TAF10: variants seen among roughly 807,000 people sequenced by gnomAD.
TAF10 encodes TATA-box binding protein associated factor 10, also known as transcription initiation factor TFIID subunit 10.
Under a neutral mutation model 18.1 loss-of-function variants are expected in TAF10, and 2 were observed. The observed-to-expected ratio is 0.11, with a 90% CI of 0.05 to 0.35. The LOEUF (loss-of-function observed/expected upper bound fraction) is 0.35. Ranked by LOEUF, TAF10 falls within the 10% of genes least tolerant of loss-of-function variation. The pLI, the probability that TAF10 is intolerant of heterozygous loss-of-function variation, is 1.00. For synonymous variants in TAF10, 158 were observed against 134.6 expected (o/e 1.17, Z -1.20); for missense variants, 293 against 306.9 (o/e 0.95, Z 0.34).
rs761663463 is a variant in TAF10 at position 6,611,253 on chromosome 11, T to A, written c.503A>T (p.Asn168Ile). The change falls in exon 4 of 5, where the codon AAT becomes ATT. Residue 168 changes from asparagine (N) to isoleucine (I), a missense_variant. Transcript: ENST00000299424. Reference sequence around the variant, plus strand: ...CATTTTGCAGTGCTGTAGGGCATCATTGGCAATATCTGAGATGAATTTCTG... The same window carrying A: ...CATTTTGCAGTGCTGTAGGGCATCAATGGCAATATCTGAGATGAATTTCTG... ...AAQKFISDIA[N>I]DALQHCKMKG... is the part of the protein sequence containing the mutation. 6.2e-7 allele frequency: 1 copy of A among 1,614,108 alleles called. No individual in the cohort carries two copies. Among genetic ancestry groups the A allele is most frequent in the Non-Finnish European group, 8.5e-7 (1 of 1,180,028 alleles).
At position 6,608,447 on chromosome 11, in the gene TAF10, C is replaced by G; in HGVS notation, c.*2475G>C. 6.2e-7 allele frequency: 1 copy of G among 1,614,154 alleles called. No individual in the cohort carries two copies. Among genetic ancestry groups the G allele is most frequent in the South Asian group, 1.1e-5 (1 of 91,086 alleles). Reference sequence around the variant, plus strand: ...CAGTGAATGAACACGGGAATGTGCCCCTGCACTATGCCTGTTTTTGGGGCC... The same window carrying G: ...CAGTGAATGAACACGGGAATGTGCCGCTGCACTATGCCTGTTTTTGGGGCC... On this transcript the variant is annotated 3_prime_UTR_variant, in exon 5 of 5. Coordinates refer to ENST00000299424, the MANE Select transcript of TAF10 (RefSeq NM_006284.4). This position sits in a 1 kb window ranked among gnomAD's most constrained non-coding sequence, Gnocchi z 4.9.
chr11:6,611,017 G>A lies in TAF10; in HGVS notation c.568-6C>T. The A allele has an allele frequency of 6.2e-7, 1 of 1,613,772 alleles. No individual in the cohort carries two copies. The highest frequency in any genetic ancestry group is 1.3e-5 in the African/African-American group (1 of 75,004). ...GTTAGAGTGTACTTGCGGTCCTGAG[G>A]GAAGAGGGAAGAGCACCAACTGAGC... On this transcript the variant is annotated splice_polypyrimidine_tract_variant and splice_region_variant and intron_variant, in intron 4 of 4. Transcript: ENST00000299424.
chr11:6,608,042 A>T lies in TAF10; in HGVS notation c.*2880T>A. On this transcript the variant is annotated 3_prime_UTR_variant, in exon 5 of 5. Coordinates refer to ENST00000299424, the MANE Select transcript of TAF10 (RefSeq NM_006284.4). This position sits in a 1 kb window ranked among gnomAD's most constrained non-coding sequence, Gnocchi z 4.9. The stretch of plus-strand genomic sequence containing the variant: ...GCTCAATGACCATTGCCCCTTCCTC[A>T]AAGGGACGATCATGGCTTCTCCCCC... 1 of 1,613,878 alleles carries T rather than the reference A, an allele frequency of 6.2e-7. No homozygotes were observed. Among genetic ancestry groups the T allele is most frequent in the Non-Finnish European group, 8.5e-7 (1 of 1,179,984 alleles).
Position 6,610,836 on chromosome 11 carries a change from A to G in TAF10, c.*86T>C, listed in dbSNP as rs1564851396. ...GGTGTCTCCCAACATGGGAGGGATC[A>G]GCCCCGCCTGTCACAATAAAGTTTA... On this transcript the variant is annotated 3_prime_UTR_variant, in exon 5 of 5. Transcript: ENST00000299424. The G allele has an allele frequency of 1.3e-6, 2 of 1,512,542 alleles. No homozygotes were observed. Among genetic ancestry groups the G allele is most frequent in the East Asian group, 2.3e-5 (1 of 44,358 alleles). The allele number at this position is 1,512,542 out of a possible 1,614,324, so 93.7% of individuals were successfully genotyped here. A position where few individuals can be genotyped will look rare whatever the true frequency, so the allele number is the denominator to read the frequency against.
chr11:6,609,287 C>T lies in TAF10; in HGVS notation c.*1635G>A. 1.2e-6 allele frequency: 2 copies of T among 1,613,022 alleles called. No individual in the cohort carries two copies. The highest frequency in any genetic ancestry group is 1.3e-5 in the African/African-American group (1 of 75,038). On this transcript the variant is annotated 3_prime_UTR_variant, in exon 5 of 5. Coordinates refer to ENST00000299424, the MANE Select transcript of TAF10 (RefSeq NM_006284.4). ...AACATTTCAAGCCTCCTAACCCCTACCTGTCCTGCAGCTATGGAAGGGCCG... is the reference window on the plus strand; with the variant it reads ...AACATTTCAAGCCTCCTAACCCCTATCTGTCCTGCAGCTATGGAAGGGCCG...
Position 6,608,334 on chromosome 11 carries a change from A to G in TAF10, c.*2588T>C. 1 of 1,575,336 alleles carries G rather than the reference A, an allele frequency of 6.3e-7. No individual in the cohort carries two copies. Among genetic ancestry groups the G allele is most frequent in the Non-Finnish European group, 8.7e-7 (1 of 1,144,786 alleles). ...CCTTTTCCCATGCCCTGACACCAGT[A>G]TCTCATTTGGAACTGACTGTACTTT... On this transcript the variant is annotated 3_prime_UTR_variant, in exon 5 of 5. Coordinates refer to ENST00000299424, the MANE Select transcript of TAF10 (RefSeq NM_006284.4). The surrounding 1 kb of genome is among the most constrained non-coding windows in gnomAD (Gnocchi z 4.9).
rs141701406 is a variant in TAF10 at position 6,608,123 on chromosome 11, G to T, written c.*2799C>A. 4 of 1,614,066 alleles carry T rather than the reference G, an allele frequency of 2.5e-6. No individual in the cohort carries two copies. The highest frequency in any genetic ancestry group is 3.4e-6 in the Non-Finnish European group (4 of 1,179,952). ...GCTGTGGTTGAGATGTTGATCATGC[G>T]GGGGGCACGGATCAATGTAATGAAC... On this transcript the variant is annotated 3_prime_UTR_variant, in exon 5 of 5. Transcript: ENST00000299424. This position sits in a 1 kb window ranked among gnomAD's most constrained non-coding sequence, Gnocchi z 4.9.
At chr11:6,611,598 G>GAA in intron 2 of TAF10, 66 bp downstream of exon 2, 1 of 1,584,806 alleles carries the variant, frequency 6.3e-7, no homozygotes, top group East Asian at 2.3e-5. Context: ...AGAGAACGCT[G>GAA]AAAAGCACGA....
In TAF10 at chr11:6,611,518, A is replaced by C. The variant is rs371916710; in HGVS notation, c.388-66T>G. The C allele has an allele frequency of 4.5e-5, 72 of 1,604,360 alleles. No homozygotes were observed. In the African/African-American group the frequency reaches 8.3e-4, roughly 18 times the overall value. On this transcript the variant is annotated intron_variant, in intron 2 of 4. Coordinates refer to ENST00000299424, the MANE Select transcript of TAF10 (RefSeq NM_006284.4). ...AGGGTGAGGGAAATGGATAGGCCTG[A>C]TTATCAGGAAGCTCACAGTTTGGGT...
rs1564843148 is a variant in TAF10, at chr11:6,606,442, G to A, written c.*4480C>T. On this transcript the variant is annotated 3_prime_UTR_variant, in exon 5 of 5. Transcript: ENST00000299424. ...TCTTTAATACTTTGCAAAGTCATTT[G>A]TTCCATTTTTCATATAATTCTCAAA... 6.6e-6 allele frequency: 1 copy of A among 152,150 alleles called. No individual in the cohort carries two copies. Among genetic ancestry groups the A allele is most frequent in the African/African-American group, 2.4e-5 (1 of 41,416 alleles). 9.4% of individuals were successfully genotyped at this position (152,150 alleles called of 1,614,324 possible).
In TAF10 at chr11:6,610,136, CTA is replaced by C; in HGVS notation, c.*784_*785del. 6.2e-7 allele frequency: 1 copy of C among 1,614,204 alleles called. No individual in the cohort carries two copies. The highest frequency in any genetic ancestry group is 1.1e-5 in the South Asian group (1 of 91,080). ...GCAAGGGGGCCAGAACAGACAAGCCCTATCTCTCCAGCTCTGCAGAAGAAGCC... is the reference window on the plus strand; with the variant it reads ...GCAAGGGGGCCAGAACAGACAAGCCCTCTCTCCAGCTCTGCAGAAGAAGCC... On this transcript the variant is annotated 3_prime_UTR_variant, in exon 5 of 5. Transcript: ENST00000299424.
rs1855377105 is a variant in TAF10, at chr11:6,610,352, G to A, written c.*570C>T. ...GTGAAAATAACTGTAGTGGGCCTTGGCTCCTCACATATTTGTTCGGATATA... is the reference window on the plus strand; with the variant it reads ...GTGAAAATAACTGTAGTGGGCCTTGACTCCTCACATATTTGTTCGGATATA... On this transcript the variant is annotated 3_prime_UTR_variant, in exon 5 of 5. Transcript: ENST00000299424. 24 of 1,612,962 alleles carry A rather than the reference G, an allele frequency of 1.5e-5. No individual in the cohort carries two copies. Among genetic ancestry groups the A allele is most frequent in the Non-Finnish European group, 2.0e-5 (24 of 1,179,418 alleles).
Position 6,606,377 on chromosome 11 carries a change from T to G in TAF10, c.*4545A>C, listed in dbSNP as rs1854909994. 6.6e-6 allele frequency: 1 copy of G among 152,376 alleles called. No homozygotes were observed. The allele number at this position is 152,376 out of a possible 1,614,324, so 9.4% of individuals were successfully genotyped here. Reference sequence around the variant, plus strand: ...AGGTCAGGATCACCTGTCATCTTAGTCTAGACTTCACTGGTTCCCATTAGG... The same window carrying G: ...AGGTCAGGATCACCTGTCATCTTAGGCTAGACTTCACTGGTTCCCATTAGG... On this transcript the variant is annotated 3_prime_UTR_variant, in exon 5 of 5. Coordinates refer to ENST00000299424, the MANE Select transcript of TAF10 (RefSeq NM_006284.4).
At position 6,610,572 on chromosome 11, in the gene TAF10, C is replaced by T; in HGVS notation, c.*350G>A. 1.2e-6 allele frequency: 2 copies of T among 1,614,234 alleles called. No individual in the cohort carries two copies. The highest frequency in any genetic ancestry group is 1.3e-5 in the African/African-American group (1 of 75,052). ...ACCCTGCAAAGCGACCCAAATTTGA[C>T]ATGATTGTGCCTATCCTTGAGAAGA... On this transcript the variant is annotated 3_prime_UTR_variant, in exon 5 of 5. Coordinates refer to ENST00000299424, the MANE Select transcript of TAF10 (RefSeq NM_006284.4).
rs538520183 is a variant in TAF10 at position 6,610,497 on chromosome 11, A to G, written c.*425T>C. The stretch of plus-strand genomic sequence containing the variant: ...AAGGCCTTCGGCCTACCATCCCACC[A>G]GGTATTTCCCCTCATGTGTGTAAGC... On this transcript the variant is annotated 3_prime_UTR_variant, in exon 5 of 5. Coordinates refer to ENST00000299424, the MANE Select transcript of TAF10 (RefSeq NM_006284.4). 2.5e-6 allele frequency: 4 copies of G among 1,614,224 alleles called. No individual in the cohort carries two copies. In the African/African-American group the frequency reaches 4.0e-5, roughly 16 times the overall value.
chr11:6,610,775 A>G lies in TAF10; in HGVS notation c.*147T>C. 1 of 1,321,914 alleles carries G rather than the reference A, an allele frequency of 7.6e-7. No individual in the cohort carries two copies. Among genetic ancestry groups the G allele is most frequent in the Non-Finnish European group, 1.1e-6 (1 of 930,404 alleles). The allele number at this position is 1,321,914 out of a possible 1,614,324, so 81.9% of individuals were successfully genotyped here. Reference sequence around the variant, plus strand: ...CCCCATCCCTACCACTGTGGCCCCAAGAGGGGCGGGCTCAGAGCTTTGTCA... The same window carrying G: ...CCCCATCCCTACCACTGTGGCCCCAGGAGGGGCGGGCTCAGAGCTTTGTCA... On this transcript the variant is annotated 3_prime_UTR_variant, in exon 5 of 5. Coordinates refer to ENST00000299424, the MANE Select transcript of TAF10 (RefSeq NM_006284.4).
rs553103939 is a variant in TAF10, at chr11:6,610,133, G to C, written c.*789C>G. 9 of 1,614,216 alleles carry C rather than the reference G, an allele frequency of 5.6e-6. No homozygotes were observed. In the East Asian group the frequency reaches 6.7e-5, roughly 12 times the overall value. Reference sequence around the variant, plus strand: ...CAGGCAAGGGGGCCAGAACAGACAAGCCCTATCTCTCCAGCTCTGCAGAAG... The same window carrying C: ...CAGGCAAGGGGGCCAGAACAGACAACCCCTATCTCTCCAGCTCTGCAGAAG... On this transcript the variant is annotated 3_prime_UTR_variant, in exon 5 of 5. Transcript: ENST00000299424.
chr11:6,608,078 C>T lies in TAF10; in HGVS notation c.*2844G>A, dbSNP rs760427367. The T allele has an allele frequency of 5.6e-6, 9 of 1,614,156 alleles. No individual in the cohort carries two copies. The highest frequency in any genetic ancestry group is 7.6e-6 in the Non-Finnish European group (9 of 1,180,032). ...CATGGCTTCTCCCCCTTGCACTGGG[C>T]CTGCCGAGAGGGCCGCTCTGCTGTG... On this transcript the variant is annotated 3_prime_UTR_variant, in exon 5 of 5. Transcript: ENST00000299424. This position sits in a 1 kb window ranked among gnomAD's most constrained non-coding sequence, Gnocchi z 4.9.
Position 6,609,533 on chromosome 11 carries a change from G to C in TAF10, c.*1389C>G. On this transcript the variant is annotated 3_prime_UTR_variant, in exon 5 of 5. Transcript: ENST00000299424. Reference sequence around the variant, plus strand: ...CTAGGATTTTCTCGCATCCAAATGTGCTCCCAGTGCTAGGTGCCTGCCAGT... The same window carrying C: ...CTAGGATTTTCTCGCATCCAAATGTCCTCCCAGTGCTAGGTGCCTGCCAGT... 1 of 1,614,060 alleles carries C rather than the reference G, an allele frequency of 6.2e-7. No homozygotes were observed. Among genetic ancestry groups the C allele is most frequent in the African/African-American group, 1.3e-5 (1 of 75,014 alleles).
Sources: gnomAD v4.1 joint callset for allele counts on GRCh38, gnomAD v4.1.1 for gene constraint, Gnocchi (gnomAD v3.1) non-coding constraint, MANE v1.5 for transcripts, NCBI Gene and HGNC (gene_info 2026-07-23, HGNC 2026-07-21) for gene names.